MBNL2: variants seen among roughly 807,000 people sequenced by gnomAD.
The protein encoded by MBNL2 is muscleblind-like protein 2.
MBNL2 carries 17 observed loss-of-function variants against 41.9 expected under a neutral mutation model. That is an observed-to-expected ratio of 0.41 (90% confidence interval 0.28 to 0.61). The LOEUF (loss-of-function observed/expected upper bound fraction) is 0.61, where lower values mean the gene tolerates loss of function less well. Among genes scored for constraint, MBNL2 ranks in the 20% least tolerant of loss-of-function variants. The probability of loss-of-function intolerance (pLI) is 0.35; values close to 1 mark genes in which losing one functional copy is unlikely to be tolerated. For missense variants in MBNL2, 336 were observed against 505.6 expected, an observed-to-expected ratio of 0.66 and a Z score of 3.22; for synonymous variants, 195 against 182.9, an observed-to-expected ratio of 1.07 and a Z score of -0.53.
At chr13:97,382,571 T>C (rs1169485029) in intron 8 of MBNL2, among the ~76,000 whole-genome samples, 2 of 151,994 alleles carry the variant, frequency 1.3e-5, no homozygotes, top group East Asian at 1.9e-4. Flanking sequence ...GGGTAAGGAA[T>C]AGGAAGATAA....
chr13:97,325,880 TG>T lies in MBNL2; in HGVS notation c.175-8395del, dbSNP rs535466619. Among the ~76,000 whole-genome samples the T allele has an allele frequency of 1.3e-3, 205 of 152,350 alleles. 2 individuals carry two copies. The highest frequency in any genetic ancestry group is 4.4e-3 in the African/African-American group (182 of 41,578). Reference sequence around the variant, plus strand: ...TCACAAAATTAATGTCAGGGGCCAGTGCCAGTGGTGCTTGAAAGAAGAGGGC... The same window carrying T: ...TCACAAAATTAATGTCAGGGGCCAGTCCAGTGGTGCTTGAAAGAAGAGGGC... On this transcript the variant is annotated intron_variant, in intron 2 of 8. Coordinates refer to ENST00000679496, the MANE Select transcript of MBNL2 (RefSeq NM_001382683.1).
upstream of MBNL2, among the ~76,000 whole-genome samples, chr13:97,216,883 T>C (rs1056460391): frequency 2.0e-5 from 3 of 151,158 alleles, no homozygotes; most frequent in African/African-American, 7.3e-5. Flanking sequence ...TATTATTACA[T>C]ATGTAGTATA....
chr13:97,306,655 C>T (rs1018049907), intron 2 of MBNL2, among the ~76,000 whole-genome samples: 3 of 152,226 alleles, frequency 2.0e-5, no homozygotes, highest in Admixed American at 2.0e-4. Flanking sequence ...TCACTTTCTC[C>T]ATCTAAGCAA....
At chr13:97,273,938 G>C (rs562409318) in intron 1 of MBNL2, among the ~76,000 whole-genome samples, 12 of 152,212 alleles carry the variant, frequency 7.9e-5, no homozygotes, top group Admixed American at 4.6e-4. Flanking sequence ...GTGGGCACCA[G>C]TAATCCCAGC....
intron 1 of MBNL2, among the ~76,000 whole-genome samples, chr13:97,243,954 C>T (rs568435465): frequency 1.3e-5 from 2 of 152,262 alleles, no homozygotes; most frequent in African/African-American, 4.8e-5. Flanking sequence ...GTTCTCCCTA[C>T]ACTTCTGTCT....
intron 8 of MBNL2, among the ~76,000 whole-genome samples, chr13:97,384,639 AAC>A (rs1280828153): frequency 6.6e-5 from 10 of 152,204 alleles, no homozygotes; most frequent in African/African-American, 2.4e-4. Context: ...TGGATGAAGA[AAC>A]ACAGACTGGG....
the MBNL2 span, among the ~76,000 whole-genome samples, chr13:97,190,062 G>C: frequency 6.6e-6 from 1 of 152,208 alleles, no homozygotes; most frequent in South Asian, 2.1e-4. Flanking sequence ...ACAGCGTGGG[G>C]CTCGGGCCAC....
Position 97,346,894 on chromosome 13 carries a change from A to C in MBNL2, c.631A>C (p.Ser211Arg). ...HPADSTMIDT[S>R]DNTVTVCMDY... ...CGCAGACAGCACCATGATCGACACA[A>C]GTGACAACACCGTAACCGTTTGTAT... is the stretch of plus-strand genomic sequence containing the variant. The change falls in exon 5 of 9, where the codon AGT becomes CGT. Residue 211 changes from serine (S) to arginine (R), a missense_variant. Ser to Arg is a moderately radical substitution (Grantham distance 110). Transcript: ENST00000679496. The surrounding 1 kb of genome is among the most constrained non-coding windows in gnomAD (Gnocchi z 4.2). The C allele has an allele frequency of 6.2e-7, 1 of 1,614,100 alleles. No individual in the cohort carries two copies. The highest frequency in any genetic ancestry group is 8.5e-7 in the Non-Finnish European group (1 of 1,179,946).
At chr13:97,371,448 A>G (rs1001328631) in intron 8 of MBNL2, among the ~76,000 whole-genome samples, 3 of 152,184 alleles carry the variant, frequency 2.0e-5, no homozygotes, top group Non-Finnish European at 4.4e-5. Flanking sequence ...AAGCTGGGGA[A>G]GTATCAAGTT....
the MBNL2 span, among the ~76,000 whole-genome samples, chr13:97,212,998 G>GGA: frequency 2.0e-5 from 3 of 152,312 alleles, no homozygotes; most frequent in African/African-American, 7.2e-5. Context: ...ATTTGCCTGA[G>GGA]GAGAAAGGCT....
chr13:97,167,868 CTATA>C, the MBNL2 span, among the ~76,000 whole-genome samples: 2 of 152,128 alleles, frequency 1.3e-5, no homozygotes, highest in Non-Finnish European at 2.9e-5. Context: ...GTCCCTTAAC[CTATA>C]TATTTGTCAA....
At chr13:97,261,762 A>G (rs1206562108) in intron 1 of MBNL2, among the ~76,000 whole-genome samples, 1 of 152,232 alleles carries the variant, frequency 6.6e-6, no homozygotes, top group Non-Finnish European at 1.5e-5. Flanking sequence ...TAAAGGCTGC[A>G]GGACTGAAGC....
intron 2 of MBNL2, among the ~76,000 whole-genome samples, chr13:97,277,291 G>T (rs2052360326): frequency 2.6e-5 from 4 of 152,140 alleles, no homozygotes; most frequent in Admixed American, 2.6e-4. Context: ...ATTGTCTAGG[G>T]CGTTCCTACA....
rs879733225 is a variant in MBNL2 at position 97,274,515 on chromosome 13, CA to C, written c.-604-1104del. On this transcript the variant is annotated intron_variant, in intron 1 of 8. Transcript: ENST00000679496. ...TGGGTGACAGAGAAAGACTCCATTT[CA>C]AAAAAAAAAAAATTATTGCTCTCTG... 2.2e-3 allele frequency among the ~76,000 whole-genome samples: 312 copies of C among 140,154 alleles called. 2 individuals are homozygous for C. The highest frequency in any genetic ancestry group is 2.9e-3 in the East Asian group (14 of 4,860). 91.9% of individuals were successfully genotyped at this position (140,154 alleles called of 152,430 possible).
intron 2 of MBNL2, among the ~76,000 whole-genome samples, chr13:97,290,768 G>T (rs2055769931): frequency 1.3e-5 from 2 of 152,054 alleles, no homozygotes; most frequent in African/African-American, 2.4e-5. Flanking sequence ...TTACTAGAAA[G>T]GAAATGGAGC....
At chr13:97,243,419 A>G (rs1467062361) in intron 1 of MBNL2, among the ~76,000 whole-genome samples, 1 of 152,136 alleles carries the variant, frequency 6.6e-6, no homozygotes, top group Non-Finnish European at 1.5e-5. Flanking sequence ...GGTCAGCCTC[A>G]AGGAGGTGAG....
the MBNL2 span, among the ~76,000 whole-genome samples, chr13:97,164,470 AAATC>A: frequency 6.6e-6 from 1 of 152,222 alleles, no homozygotes; most frequent in African/African-American, 2.4e-5. Context: ...ATGAATGAAT[AAATC>A]AATCAATGAA....
intron 2 of MBNL2, among the ~76,000 whole-genome samples, chr13:97,331,631 A>G (rs933244604): frequency 6.6e-6 from 1 of 152,176 alleles, no homozygotes; most frequent in Admixed American, 6.5e-5. Context: ...CCAGTTATAT[A>G]TGGCCTTGGG....
chr13:97,197,073 G>A, the MBNL2 span, among the ~76,000 whole-genome samples: 1 of 152,136 alleles, frequency 6.6e-6, no homozygotes, highest in South Asian at 2.1e-4. Flanking sequence ...AAAAGACATT[G>A]ATTATTCAGC....
Sources: allele counts gnomAD v4.1 joint callset (sites outside exome capture counted in the v4.1 genomes callset), GRCh38; gene constraint gnomAD v4.1.1; non-coding constraint Gnocchi (gnomAD v3.1); transcripts MANE v1.5; gene names NCBI Gene and HGNC (gene_info 2026-07-23, HGNC 2026-07-21).